PARP12: variants seen among roughly 807,000 people sequenced by gnomAD.
PARP12 encodes protein mono-ADP-ribosyltransferase PARP12.
PARP12 carries 59 observed loss-of-function variants against 72.4 expected under a neutral mutation model. The ratio of observed to expected loss-of-function variants is 0.81; its 90% CI spans 0.66 to 1.01. The LOEUF is 1.01. Among genes scored for constraint, PARP12 ranks in the 50% least tolerant of loss-of-function variants. The pLI is 0.00. For synonymous variants in PARP12, 403 were observed against 371.4 expected (o/e 1.09, Z -0.98); for missense variants, 851 against 914.0 (o/e 0.93, Z 0.89).
chr7:140,037,898 C>A (rs555029326), intron 6 of PARP12, 42 bp from the exon 7 acceptor site: 20 of 1,583,534 alleles, frequency 1.3e-5, no homozygotes, highest in Non-Finnish European at 1.7e-5. Context: ...CAAGAAACTG[C>A]GTGATGAGGA....
intron 4 of PARP12, among the ~76,000 whole-genome samples, chr7:140,050,460 A>G (rs1357296587): frequency 2.6e-5 from 4 of 152,204 alleles, no homozygotes; most frequent in African/African-American, 9.7e-5. Context: ...CACCTCACCA[A>G]GCAGGACCTT....
chr7:140,024,755 C>A lies in PARP12; in HGVS notation c.1911G>T (p.Pro637=). 2 of 1,613,944 alleles carry A rather than the reference C, an allele frequency of 1.2e-6. No individual in the cohort carries two copies. The highest frequency in any genetic ancestry group is 1.7e-6 in the Non-Finnish European group (2 of 1,179,996). The stretch of plus-strand genomic sequence containing the variant: ...CGTTGCTCCAGCCCTCCTTGGCCGG[C>A]GGACGGACAAAGGAGGCATTGCCCC... ...FVRGNASFVR[P]PAKEGWSNAF... is the part of the protein sequence containing the mutation. Residue 637 remains proline, a synonymous_variant, in exon 12 of 12, where the codon CCG becomes CCT. Coordinates refer to ENST00000263549, the MANE Select transcript of PARP12 (RefSeq NM_022750.4).
At chr7:140,034,486 A>G in intron 7 of PARP12, 155 bp from the exon 8 acceptor site, 1 of 544,050 alleles carries the variant, frequency 1.8e-6, no homozygotes, top group Non-Finnish European at 3.2e-6. Context: ...CATTTTACAC[A>G]TTTCAAATAT....
chr7:140,054,621 C>A (rs1817105634), intron 4 of PARP12, 41 bp downstream of exon 4: 3 of 1,462,052 alleles, frequency 2.1e-6, no homozygotes, highest in Admixed American at 1.7e-5. Context: ...CAAGCAGTTA[C>A]CCCTCCCACA....
At position 140,036,008 on chromosome 7, in the gene PARP12, GAGA is replaced by G. The variant is rs1299168609; in HGVS notation, c.1325-1680_1325-1678del. ...GGAGGAGGAGGAGGAGGAGAAGGAGGAGAAGGAGGAGAAGGAGGAGAAGGAGGA... is the reference window on the plus strand; with the variant it reads ...GGAGGAGGAGGAGGAGGAGAAGGAGGAGGAGGAGAAGGAGGAGAAGGAGGA... On this transcript the variant is annotated intron_variant, in intron 7 of 11. Coordinates refer to ENST00000263549, the MANE Select transcript of PARP12 (RefSeq NM_022750.4). Among the ~76,000 whole-genome samples the G allele has an allele frequency of 8.9e-4, 46 of 51,822 alleles. 4 individuals carry two copies. The highest frequency in any genetic ancestry group is 4.9e-3 in the African/African-American group (32 of 6,580). 34.0% of individuals were successfully genotyped at this position (51,822 alleles called of 152,430 possible). A position where few individuals can be genotyped will look rare whatever the true frequency, so the allele number is the denominator to read the frequency against.
chr7:140,053,447 A>C (rs1054546613), intron 4 of PARP12, among the ~76,000 whole-genome samples: 2 of 152,198 alleles, frequency 1.3e-5, no homozygotes, highest in African/African-American at 2.4e-5. Flanking sequence ...CTAGGGGGTG[A>C]GGATTAATTA....
At chr7:140,034,098 G>A (rs1206243938) in intron 8 of PARP12, 137 bp downstream of exon 8, 10 of 1,364,042 alleles carry the variant, frequency 7.3e-6, no homozygotes, top group East Asian at 3.1e-5. Flanking sequence ...GAAGACAAAC[G>A]ATAACAGAGT....
intron 9 of PARP12, among the ~76,000 whole-genome samples, chr7:140,027,953 C>T (rs1815798832): frequency 6.6e-6 from 1 of 152,172 alleles, no homozygotes; most frequent in South Asian, 2.1e-4. Flanking sequence ...GTCCTTAGCA[C>T]TTCTTGCCTG....
At chr7:140,035,226 A>G (rs1816101562) in intron 7 of PARP12, among the ~76,000 whole-genome samples, 1 of 152,348 alleles carries the variant, frequency 6.6e-6, no homozygotes, top group East Asian at 1.9e-4. Flanking sequence ...AGGTCCATCC[A>G]CATTCTCATT....
chr7:140,030,811 AG>A (rs1815913995), intron 8 of PARP12, among the ~76,000 whole-genome samples: 1 of 152,176 alleles, frequency 6.6e-6, no homozygotes, highest in Non-Finnish European at 1.5e-5. Context: ...TTATTCTTTT[AG>A]TTCAGCTATC....
At chr7:140,040,435 G>T (rs941978600) in intron 6 of PARP12, among the ~76,000 whole-genome samples, 2 of 152,180 alleles carry the variant, frequency 1.3e-5, no homozygotes, top group African/African-American at 4.8e-5. Context: ...AGGAAGTAGT[G>T]CAAGGCAGCA....
chr7:140,048,520 C>T (rs541516405), intron 4 of PARP12, among the ~76,000 whole-genome samples: 2 of 152,278 alleles, frequency 1.3e-5, no homozygotes, highest in East Asian at 3.9e-4. Flanking sequence ...CAGCTAGCTA[C>T]CTCTGAGATA....
In PARP12 at chr7:140,058,021, T is replaced by G; in HGVS notation, c.340A>C (p.Asn114His). ...KFLRAGKNCR[N>H]SHSLTTEHNL... ...TGTTCGGTTGTCAAGCTGTGACTAT[T>G]CCTACAGTTCTTCCTGCAAAGAAGC... Residue 114 changes from asparagine (N) to histidine (H), a missense_variant, in exon 2 of 12, where the codon AAT becomes CAT. By Grantham distance (68) the Asn-to-His change is moderately conservative. Around this residue, in one of 3 missense-constraint regions of PARP12, gnomAD observed 492 missense variants for 489.3 expected, o/e 1.01. Coordinates refer to ENST00000263549, the MANE Select transcript of PARP12 (RefSeq NM_022750.4). The G allele has an allele frequency of 6.2e-7, 1 of 1,614,254 alleles. No homozygotes were observed. The highest frequency in any genetic ancestry group is 8.5e-7 in the Non-Finnish European group (1 of 1,180,040).
At chr7:140,031,989 A>G (rs1044240556) in intron 8 of PARP12, among the ~76,000 whole-genome samples, 1 of 152,230 alleles carries the variant, frequency 6.6e-6, no homozygotes, top group African/African-American at 2.4e-5. Context: ...TGCCATTTAT[A>G]TAACAAAACG....
intron 6 of PARP12, 52 bp downstream of exon 6, chr7:140,041,592 T>C: frequency 1.3e-6 from 2 of 1,550,766 alleles, no homozygotes; most frequent in Admixed American, 3.6e-5. Flanking sequence ...ATTTGGCTCC[T>C]CTCTTACAGA....
chr7:140,037,915 C>G, intron 6 of PARP12, 59 bp from the exon 7 acceptor site: 1 of 1,572,812 alleles, frequency 6.4e-7, no homozygotes, highest in Non-Finnish European at 8.7e-7. Flanking sequence ...AGGAAAAACG[C>G]TGGTGGCACC....
At position 140,062,839 on chromosome 7, in the gene PARP12, C is replaced by T. The variant is rs942909283; in HGVS notation, c.9G>A (p.Gln3=). 61 of 1,382,158 alleles carry T rather than the reference C, an allele frequency of 4.4e-5. No homozygotes were observed. Among genetic ancestry groups the T allele is most frequent in the Non-Finnish European group, 5.2e-5 (55 of 1,065,832 alleles). 85.6% of individuals were successfully genotyped at this position (1,382,158 alleles called of 1,614,324 possible). A position where few individuals can be genotyped will look rare whatever the true frequency, so the allele number is the denominator to read the frequency against. ...GGGTGACCTCACCGACGACGCCGGC[C>T]TGGGCCATGGCCGCTGGGCCTGCTC... is the stretch of plus-strand genomic sequence containing the variant. The part of the protein sequence containing the change: MA[Q]AGVVGEVTQV... Residue 3 remains glutamine, a synonymous_variant, in exon 1 of 12, where the codon CAG becomes CAA. Transcript: ENST00000263549.
At chr7:140,027,535 T>A in intron 9 of PARP12, 129 bp from the exon 10 acceptor site, 4 of 1,124,918 alleles carry the variant, frequency 3.6e-6, no homozygotes, top group Non-Finnish European at 5.1e-6. Context: ...GACCACATTC[T>A]CCTGTGGTTT....
chr7:140,024,990 T>C (rs950722709), intron 11 of PARP12, 105 bp from the exon 12 acceptor site: 9 of 1,008,654 alleles, frequency 8.9e-6, no homozygotes, highest in Admixed American at 2.3e-5. Flanking sequence ...GGGCCTCTAC[T>C]CTTCCACCCC....
Sources: gnomAD v4.1 joint callset for allele counts (sites outside exome capture counted in the v4.1 genomes callset) on GRCh38, gnomAD v4.1.1 for gene constraint, gnomAD v4.1.1 regional missense constraint, MANE v1.5 for transcripts, NCBI Gene and HGNC (gene_info 2026-07-23, HGNC 2026-07-21) for gene names.